GABRB1: variants seen among roughly 807,000 people sequenced by gnomAD.
GABRB1 encodes gamma-aminobutyric acid receptor subunit beta-1.
GABRB1 carries 17 observed loss-of-function variants against 51.6 expected under a neutral mutation model. That is an observed-to-expected ratio of 0.33 (90% confidence interval 0.23 to 0.49). GABRB1 has a LOEUF of 0.49. GABRB1 is among the 20% of genes least tolerant of loss of function. The pLI is 0.99. For synonymous variants in GABRB1, 247 were observed against 218.9 expected, an observed-to-expected ratio of 1.13 and a Z score of -1.14; for missense variants, 410 against 600.6, an observed-to-expected ratio of 0.68 and a Z score of 3.32.
intron 4 of GABRB1, among the ~76,000 whole-genome samples, chr4:47,234,594 G>A (rs557737181): frequency 4.6e-5 from 7 of 151,304 alleles, no homozygotes; most frequent in African/African-American, 9.7e-5. Context: ...TTTCTACTTC[G>A]TTTAGAAAAT....
intron 4 of GABRB1, among the ~76,000 whole-genome samples, chr4:47,276,952 C>T (rs932424875): frequency 5.3e-5 from 8 of 151,938 alleles, no homozygotes; most frequent in Non-Finnish European, 2.9e-5. Flanking sequence ...GCCTCTAAAG[C>T]CAGGGCTCCT....
At chr4:47,014,815 T>C (rs1050111424) in intron 1 of GABRB1, among the ~76,000 whole-genome samples, 1 of 152,248 alleles carries the variant, frequency 6.6e-6, no homozygotes, top group African/African-American at 2.4e-5. Flanking sequence ...ATAGATAGGA[T>C]ACTCTATGAA....
At chr4:47,083,734 T>C (rs1234866833) in intron 3 of GABRB1, among the ~76,000 whole-genome samples, 1 of 152,176 alleles carries the variant, frequency 6.6e-6, no homozygotes, top group Non-Finnish European at 1.5e-5. Flanking sequence ...TTATGGCTCC[T>C]ATCTTTGGAA....
intron 3 of GABRB1, among the ~76,000 whole-genome samples, chr4:47,054,187 C>G (rs908899342): frequency 6.6e-6 from 1 of 151,806 alleles, no homozygotes; most frequent in Non-Finnish European, 1.5e-5. Context: ...ATAAAAGGCT[C>G]CTGAGTGGTC....
intron 5 of GABRB1, among the ~76,000 whole-genome samples, chr4:47,350,782 G>C (rs1025710257): frequency 2.0e-5 from 3 of 151,954 alleles, no homozygotes; most frequent in African/African-American, 7.2e-5. Flanking sequence ...ATCAACTCTG[G>C]ATTTATGGTC....
chr4:47,024,453 C>G (rs373158427), intron 1 of GABRB1, among the ~76,000 whole-genome samples: 5 of 151,838 alleles, frequency 3.3e-5, no homozygotes, highest in African/African-American at 1.2e-4. Context: ...ATCCTCCATT[C>G]GATATTTATT....
At chr4:47,037,244 G>C (rs1035477279) in intron 3 of GABRB1, among the ~76,000 whole-genome samples, 4 of 152,128 alleles carry the variant, frequency 2.6e-5, no homozygotes, top group Non-Finnish European at 5.9e-5. Flanking sequence ...CACCACTGAG[G>C]AGCTAGCAAT....
At chr4:47,149,710 G>A (rs1437195361) in intron 3 of GABRB1, among the ~76,000 whole-genome samples, 2 of 152,002 alleles carry the variant, frequency 1.3e-5, no homozygotes, top group African/African-American at 4.8e-5. Flanking sequence ...TGATTATAAA[G>A]CTACATCAGA....
At chr4:47,396,674 A>G (rs1306047415) in intron 5 of GABRB1, among the ~76,000 whole-genome samples, 4 of 152,166 alleles carry the variant, frequency 2.6e-5, no homozygotes, top group African/African-American at 9.7e-5. Flanking sequence ...AGTAATTCCT[A>G]AGCAATGATT....
intron 1 of GABRB1, among the ~76,000 whole-genome samples, chr4:47,020,881 CCT>C (rs1221665623): frequency 6.6e-6 from 1 of 152,210 alleles, no homozygotes; most frequent in African/African-American, 2.4e-5. Flanking sequence ...TGACTCACCT[CCT>C]GTTACTTTTT....
intron 4 of GABRB1, among the ~76,000 whole-genome samples, chr4:47,297,675 AGGTACAAGGAGGAACT>A (rs1391570554): frequency 6.6e-6 from 1 of 152,210 alleles, no homozygotes; most frequent in Non-Finnish European, 1.5e-5. Flanking sequence ...ATTCTGCCAA[AGGTACAAGGAGGAACT>A]GGTACCATTC....
chr4:47,044,101 ATCT>A (rs1402440199), intron 3 of GABRB1, among the ~76,000 whole-genome samples: 4 of 152,080 alleles, frequency 2.6e-5, no homozygotes, highest in Non-Finnish European at 5.9e-5. Flanking sequence ...GCCTACACTG[ATCT>A]TCTGCATTTG....
chr4:47,411,942 G>GA (rs1000412448), intron 8 of GABRB1, among the ~76,000 whole-genome samples: 52 of 152,154 alleles, frequency 3.4e-4, no homozygotes, highest in African/African-American at 1.2e-3. Flanking sequence ...GTATACAACA[G>GA]AAAAAAATGA....
At chr4:47,277,622 A>T (rs775443956) in intron 4 of GABRB1, among the ~76,000 whole-genome samples, 5 of 152,002 alleles carry the variant, frequency 3.3e-5, no homozygotes, top group Non-Finnish European at 7.4e-5. Flanking sequence ...GTATCCCATA[A>T]ATGTATATGC....
intron 1 of GABRB1, among the ~76,000 whole-genome samples, chr4:47,013,538 A>G (rs2109442551): frequency 6.6e-6 from 1 of 152,346 alleles, no homozygotes; most frequent in Middle Eastern, 3.4e-3. Context: ...AGGTGCTAAA[A>G]TGTCCAACCT....
At chr4:47,295,583 A>G (rs1723949410) in intron 4 of GABRB1, among the ~76,000 whole-genome samples, 1 of 152,224 alleles carries the variant, frequency 6.6e-6, no homozygotes, top group Non-Finnish European at 1.5e-5. Flanking sequence ...AAACGAACAA[A>G]GCCTCCAAGA....
chr4:47,317,703 A>G (rs1214281042), intron 4 of GABRB1, among the ~76,000 whole-genome samples: 1 of 151,990 alleles, frequency 6.6e-6, no homozygotes, highest in Non-Finnish European at 1.5e-5. Flanking sequence ...GTGAGCTTTC[A>G]TCTTTCATAA....
chr4:47,279,943 C>T (rs1311501765), intron 4 of GABRB1, among the ~76,000 whole-genome samples: 1 of 150,820 alleles, frequency 6.6e-6, no homozygotes, highest in Non-Finnish European at 1.5e-5. Flanking sequence ...TTTAGCCATT[C>T]AGTCACTTGA....
At chr4:47,097,184 T>C (rs79702989) in intron 3 of GABRB1, among the ~76,000 whole-genome samples, 4,941 of 152,204 alleles carry the variant, frequency 0.032, 377 homozygotes, top group East Asian at 0.17. Context: ...ATCTTCCTAA[T>C]AGCCTCCAAG....
Sources: allele counts gnomAD v4.1 joint callset (sites outside exome capture counted in the v4.1 genomes callset), GRCh38; gene constraint gnomAD v4.1.1; transcripts MANE v1.5; gene names NCBI Gene and HGNC (gene_info 2026-07-23, HGNC 2026-07-21).